Variants in NCAN observed in about 807,000 individuals in gnomAD.
The protein encoded by NCAN is neurocan core protein.
A neutral mutation model predicts 121.8 loss-of-function variants in NCAN; 47 were observed. The ratio of observed to expected loss-of-function variants is 0.39; its 90% CI spans 0.31 to 0.49. NCAN has a LOEUF of 0.49. Ranked by LOEUF, NCAN falls within the 20% of genes least tolerant of loss-of-function variation. The probability of loss-of-function intolerance (pLI) is 0.92; values close to 1 mark genes in which losing one functional copy is unlikely to be tolerated. For missense variants in NCAN, 1,517 were observed against 1,773.4 expected (o/e 0.86, Z 2.60); for synonymous variants, 633 against 702.0 (o/e 0.90, Z 1.55).
intron 11 of NCAN, among the ~76,000 whole-genome samples, chr19:19,239,813 TC>T (rs992643585): frequency 8.6e-6 from 1 of 115,608 alleles, no homozygotes; most frequent in Non-Finnish European, 1.8e-5. Flanking sequence ...TCCTCTTTTC[TC>T]CTCCCCATTC....
At chr19:19,231,020 A>G (rs1281358501) in intron 8 of NCAN, among the ~76,000 whole-genome samples, 1 of 151,806 alleles carries the variant, frequency 6.6e-6, no homozygotes, top group Non-Finnish European at 1.5e-5. Context: ...TGTTGGGATT[A>G]CAGACATGAG....
At chr19:19,223,847 A>G (rs1305483715) in intron 3 of NCAN, among the ~76,000 whole-genome samples, 174 bp from the exon 4 acceptor site, 2 of 152,050 alleles carry the variant, frequency 1.3e-5, no homozygotes, top group African/African-American at 4.8e-5. Flanking sequence ...CAGTTTCCTC[A>G]TCTGTAAAAT....
intron 8 of NCAN, among the ~76,000 whole-genome samples, chr19:19,231,304 A>G (rs1412506557): frequency 2.0e-5 from 3 of 151,108 alleles, no homozygotes; most frequent in Non-Finnish European, 2.9e-5. Flanking sequence ...TGGGGTTTGA[A>G]TCCAGGTCAT....
chr19:19,224,219 G>A (rs763929931), intron 4 of NCAN, 24 bp downstream of exon 4: 1 of 1,587,786 alleles, frequency 6.3e-7, no homozygotes, highest in South Asian at 1.1e-5. Context: ...ACAGGGCAGG[G>A]AGATGAAGAC....
chr19:19,216,285 ACCACAGGTGTGCG>A (rs1209780577), intron 1 of NCAN, among the ~76,000 whole-genome samples: 1 of 151,078 alleles, frequency 6.6e-6, no homozygotes, highest in Non-Finnish European at 1.5e-5. Flanking sequence ...CATAGCTGGG[ACCACAGGTGTGCG>A]CCACCAAGCC....
intron 11 of NCAN, among the ~76,000 whole-genome samples, chr19:19,239,839 C>T (rs1312804112): frequency 1.4e-5 from 2 of 139,440 alleles, no homozygotes; most frequent in African/African-American, 5.4e-5. Context: ...CCCACTCTTC[C>T]CCCTCCTCCC....
chr19:19,240,885 G>A (rs916265572), intron 12 of NCAN, among the ~76,000 whole-genome samples, 200 bp downstream of exon 12: 3 of 152,180 alleles, frequency 2.0e-5, no homozygotes, highest in Non-Finnish European at 4.4e-5. Context: ...TAAACAGACC[G>A]CGCCCACGAA....
intron 6 of NCAN, 106 bp from the exon 7 acceptor site, chr19:19,226,380 A>G (rs745879910): frequency 6.2e-5 from 56 of 900,788 alleles, no homozygotes; most frequent in Non-Finnish European, 9.0e-5. Context: ...AGACAGAGGT[A>G]CACAGAAGGC....
At chr19:19,231,084 G>A (rs1434843942) in intron 8 of NCAN, among the ~76,000 whole-genome samples, 19 of 151,976 alleles carry the variant, frequency 1.3e-4, no homozygotes, top group Admixed American at 1.2e-3. Context: ...CAGGCCGACC[G>A]CCCCACCCCG....
chr19:19,214,603 TGCAG>T lies in NCAN; in HGVS notation c.-7-2342_-7-2339del, dbSNP rs1016402097. 3.5e-4 allele frequency among the ~76,000 whole-genome samples: 54 copies of T among 152,262 alleles called. 1 individual carries two copies. The highest frequency in any genetic ancestry group is 1.2e-3 in the African/African-American group (49 of 41,554). Reference sequence around the variant, plus strand: ...TAGGTCATTTCATCCTCACAGTAGCTGCAGGTGGTACTTGCTGGATAATCTCCAT... The same window carrying T: ...TAGGTCATTTCATCCTCACAGTAGCTGTGGTACTTGCTGGATAATCTCCAT... On this transcript the variant is annotated intron_variant, in intron 1 of 14. Transcript: ENST00000252575.
chr19:19,233,028 A>C (rs912758799), intron 8 of NCAN: 2 of 151,644 alleles, frequency 1.3e-5, no homozygotes, highest in Non-Finnish European at 2.9e-5. Flanking sequence ...CGCCTTCGGC[A>C]TTCAAGGGAT....
intron 8 of NCAN, 101 bp from the exon 9 acceptor site, chr19:19,233,688 G>A: frequency 1.4e-6 from 1 of 730,610 alleles, no homozygotes; most frequent in Non-Finnish European, 2.5e-6. Context: ...GCTCCATAGA[G>A]AGGGTTTGAT....
rs757000546 is a variant in NCAN, at chr19:19,226,816, C to G, written c.1403C>G (p.Thr468Arg). ...MGAGTAASSHTEVAPTDPMPR... is the reference protein window; with the variant it reads ...MGAGTAASSHREVAPTDPMPR... ...GCAGGCACTGCAGCAAGTTCACACACGGAGGTGGCCCCAACTGACCCTATG... is the reference window on the plus strand; with the variant it reads ...GCAGGCACTGCAGCAAGTTCACACAGGGAGGTGGCCCCAACTGACCCTATG... The change falls in exon 7 of 15, where the codon ACG (threonine) becomes AGG (arginine). Residue 468 changes from threonine (T) to arginine (R), a missense_variant. By Grantham distance (71) the Thr-to-Arg change is moderately conservative. Coordinates refer to ENST00000252575, the MANE Select transcript of NCAN (RefSeq NM_004386.3). 16 of 1,613,302 alleles carry G rather than the reference C, an allele frequency of 9.9e-6. No individual in the cohort carries two copies. The highest frequency in any genetic ancestry group is 1.4e-5 in the Non-Finnish European group (16 of 1,179,958).
rs781629289 is a variant in NCAN at position 19,227,348 on chromosome 19, C to T, written c.1728C>T (p.Ile576=). The change falls in exon 8 of 15, where the codon ATC becomes ATT. Residue 576 remains isoleucine, a synonymous_variant. Coordinates refer to ENST00000252575, the MANE Select transcript of NCAN (RefSeq NM_004386.3). The surrounding 1 kb of genome is among the most constrained non-coding windows in gnomAD (Gnocchi z 4.2). ...LWPPTMVPPS[I]SGHSRAPVLE... ...CCCCTACCATGGTCCCACCCAGCAT[C>T]TCAGGCCACAGCAGGGCCCCTGTCC... is the stretch of plus-strand genomic sequence containing the variant. The T allele has an allele frequency of 1.9e-6, 3 of 1,612,390 alleles. No homozygotes were observed. The highest frequency in any genetic ancestry group is 2.5e-6 in the Non-Finnish European group (3 of 1,179,334).
At chr19:19,221,787 G>T (rs1189533619) in intron 3 of NCAN, among the ~76,000 whole-genome samples, 1 of 152,038 alleles carries the variant, frequency 6.6e-6, no homozygotes, top group African/African-American at 2.4e-5. Flanking sequence ...CTTGTCAGGA[G>T]GCTGAGGTGG....
rs367609638 is a variant in NCAN at position 19,228,528 on chromosome 19, G to A, written c.2908G>A (p.Glu970Lys). The stretch of plus-strand genomic sequence containing the variant: ...TGTCACCCTGGGCATAGAGGACTTC[G>A]AACTGGAGGTCCTGGCAGGGAGCCC... Reference protein sequence around the residue: ...LPVTLGIEDFELEVLAGSPGV... With the variant: ...LPVTLGIEDFKLEVLAGSPGV... Residue 970 changes from glutamate (E) to lysine (K), a missense_variant, in exon 8 of 15, where the codon GAA (glutamate) becomes AAA (lysine). Coordinates refer to ENST00000252575, the MANE Select transcript of NCAN (RefSeq NM_004386.3). 2.1e-5 allele frequency: 34 copies of A among 1,613,266 alleles called. No individual in the cohort carries two copies. Among genetic ancestry groups the A allele is most frequent in the South Asian group, 5.5e-5 (5 of 91,090 alleles).
chr19:19,223,202 A>G (rs1258118711), intron 3 of NCAN, among the ~76,000 whole-genome samples: 1 of 152,142 alleles, frequency 6.6e-6, no homozygotes, highest in African/African-American at 2.4e-5. Flanking sequence ...GTGCTTCCCT[A>G]TTAGCGCATG....
In NCAN at chr19:19,249,143, C is replaced by G; in HGVS notation, c.3820+261C>G. 1.3e-5 allele frequency: 5 copies of G among 391,744 alleles called. No homozygotes were observed. The South Asian group carries it at 2.0e-4, about 15-fold the overall frequency. 24.3% of individuals were successfully genotyped at this position (391,744 alleles called of 1,614,324 possible). A position where few individuals can be genotyped will look rare whatever the true frequency, so the allele number is the denominator to read the frequency against. ...CCAGGCTGGAGTGCAGTGGCACAAT[C>G]TCGGCTCACTGCAACCTCCCGGGTT... On this transcript the variant is annotated intron_variant, in intron 14 of 14. Coordinates refer to ENST00000252575, the MANE Select transcript of NCAN (RefSeq NM_004386.3).
chr19:19,245,257 GA>G, intron 12 of NCAN, 55 bp from the exon 13 acceptor site: 1 of 1,595,910 alleles, frequency 6.3e-7, no homozygotes, highest in Non-Finnish European at 8.5e-7. Context: ...GGAATTGCCA[GA>G]ACCTGGGCTG....
Sources: gnomAD v4.1 joint callset for allele counts (sites outside exome capture counted in the v4.1 genomes callset) on GRCh38, gnomAD v4.1.1 for gene constraint, Gnocchi (gnomAD v3.1) non-coding constraint, MANE v1.5 for transcripts, NCBI Gene and HGNC (gene_info 2026-07-23, HGNC 2026-07-21) for gene names.